PXN: variants seen among roughly 807,000 people sequenced by gnomAD.
PXN encodes testicular tissue protein Li 134.
A neutral mutation model predicts 103.6 loss-of-function variants in PXN; 61 were observed. The observed-to-expected ratio is 0.59, with a 90% CI of 0.48 to 0.73. The LOEUF is 0.73. PXN is among the 30% of genes least tolerant of loss of function. The pLI is 0.00. For synonymous variants in PXN, 562 were observed against 607.8 expected, an observed-to-expected ratio of 0.92 and a Z score of 1.11; for missense variants, 1,274 against 1,460.3, an observed-to-expected ratio of 0.87 and a Z score of 2.08.
chr12:120,248,579 C>T (rs1240672183), intron 1 of PXN: 1 of 153,380 alleles, frequency 6.5e-6, no homozygotes, highest in Non-Finnish European at 1.4e-5. Context: ...CCAGTGGCAC[C>T]GCGTGGCATC....
intron 1 of PXN, among the ~76,000 whole-genome samples, chr12:120,254,685 G>A (rs1258966513): frequency 6.6e-5 from 10 of 152,030 alleles, no homozygotes; most frequent in Non-Finnish European, 1.2e-4. Flanking sequence ...CAAATAGCTG[G>A]AATTACAGGC....
At chr12:120,230,378 C>G (rs1167312009) in intron 1 of PXN, among the ~76,000 whole-genome samples, 2 of 152,222 alleles carry the variant, frequency 1.3e-5, no homozygotes, top group African/African-American at 4.8e-5. Flanking sequence ...GTCCAGAACT[C>G]TGGACAAGGG....
chr12:120,216,528 C>G lies in PXN; in HGVS notation c.2046G>C (p.Leu682=). The change falls in exon 9 of 15, where the codon CTG becomes CTC. Residue 682 remains leucine, a synonymous_variant. Coordinates refer to ENST00000637617, the MANE Select transcript of PXN (RefSeq NM_001385981.1). The surrounding 1 kb of genome is among the most constrained non-coding windows in gnomAD (Gnocchi z 5.1). ...GGAGCAAAGGGACAGAAGGAGAAGC[C>G]AGGACAGAGATGGTTCTTCTCAGGG... ...PIPLRRTISV[L]ASPSVPLLQH... 1 of 1,403,844 alleles carries G rather than the reference C, an allele frequency of 7.1e-7. No individual in the cohort carries two copies. Among genetic ancestry groups the G allele is most frequent in the Non-Finnish European group, 9.2e-7 (1 of 1,087,394 alleles). The allele number at this position is 1,403,844 out of a possible 1,614,324, so 87.0% of individuals were successfully genotyped here. A position where few individuals can be genotyped will look rare whatever the true frequency, so the allele number is the denominator to read the frequency against.
rs1885549058 is a variant in PXN at position 120,222,704 on chromosome 12, G to C, written c.540C>G (p.Leu180=). 6.2e-7 allele frequency: 1 copy of C among 1,610,104 alleles called. No homozygotes were observed. The highest frequency in any genetic ancestry group is 1.1e-5 in the South Asian group (1 of 90,272). The change falls in exon 5 of 15, where the codon CTC becomes CTG. Residue 180 remains leucine (L), a synonymous_variant. Coordinates refer to ENST00000637617, the MANE Select transcript of PXN (RefSeq NM_001385981.1). The surrounding 1 kb of genome is among the most constrained non-coding windows in gnomAD (Gnocchi z 4.7). ...GGCTGTTAGTCTCTGGGACACCATAGAGGGGGCTCAGGGCCCCAGGAAGCG... is the reference window on the plus strand; with the variant it reads ...GGCTGTTAGTCTCTGGGACACCATACAGGGGGCTCAGGGCCCCAGGAAGCG... ...SPPLPGALSP[L]YGVPETNSPL...
intron 1 of PXN, among the ~76,000 whole-genome samples, chr12:120,227,806 T>C (rs1214367679): frequency 1.3e-5 from 2 of 152,222 alleles, no homozygotes; most frequent in African/African-American, 4.8e-5. Context: ...AGCTTTACTT[T>C]GATTTCCAAT....
At chr12:120,241,272 T>C (rs957643428) in intron 1 of PXN, among the ~76,000 whole-genome samples, 23 of 152,228 alleles carry the variant, frequency 1.5e-4, no homozygotes, top group Admixed American at 2.6e-4. Context: ...CTGCCTCATC[T>C]TCACCTCAAT....
intron 1 of PXN, among the ~76,000 whole-genome samples, chr12:120,259,055 GC>G (rs1893456685): frequency 6.7e-6 from 1 of 148,762 alleles, no homozygotes; most frequent in East Asian, 2.0e-4. Flanking sequence ...GGCAACAAGA[GC>G]AAAACTCTGC....
At chr12:120,241,728 G>A (rs566884729) in intron 1 of PXN, among the ~76,000 whole-genome samples, 31 of 152,312 alleles carry the variant, frequency 2.0e-4, no homozygotes, top group African/African-American at 7.5e-4. Context: ...AGCTCAGAGT[G>A]CAAGTCCCAG....
In PXN at chr12:120,213,834, C is replaced by A. The variant is rs765879861; in HGVS notation, c.2979+8G>T. ...TCGCCCCTCCAGATGTGGTCAGGGG[C>A]TCCTTACCCGGCACACAAAGCACTC... On this transcript the variant is annotated splice_region_variant and intron_variant, in intron 14 of 14. Transcript: ENST00000637617. This position sits in a 1 kb window ranked among gnomAD's most constrained non-coding sequence, Gnocchi z 4.2. 1 of 1,608,268 alleles carries A rather than the reference C, an allele frequency of 6.2e-7. No individual in the cohort carries two copies. Among genetic ancestry groups the A allele is most frequent in the Non-Finnish European group, 8.5e-7 (1 of 1,177,450 alleles).
chr12:120,240,516 C>T (rs1310532284), intron 1 of PXN, among the ~76,000 whole-genome samples: 1 of 152,148 alleles, frequency 6.6e-6, no homozygotes, highest in Non-Finnish European at 1.5e-5. Context: ...CAGGACCCAA[C>T]CAAAACAGCA....
rs1194481199 is a variant in PXN at position 120,229,720 on chromosome 12, G to A, written c.14-5343C>T. ...ATTACAAGCTTCTTCCCAGGGAGGT[G>A]TTAAGCCCTAGGAGGGGAAAGAAAT... On this transcript the variant is annotated intron_variant, in intron 1 of 14. Coordinates refer to ENST00000637617, the MANE Select transcript of PXN (RefSeq NM_001385981.1). This position sits in a 1 kb window ranked among gnomAD's most constrained non-coding sequence, Gnocchi z 4.0. Among the ~76,000 whole-genome samples, 2 of 152,176 alleles carry A rather than the reference G, an allele frequency of 1.3e-5. No individual in the cohort carries two copies. Among genetic ancestry groups the A allele is most frequent in the Non-Finnish European group, 2.9e-5 (2 of 68,026 alleles).
At chr12:120,252,997 T>TC in intron 1 of PXN, among the ~76,000 whole-genome samples, 1 of 87,166 alleles carries the variant, frequency 1.1e-5, no homozygotes, top group Non-Finnish European at 2.1e-5. Flanking sequence ...AGACTCTGTC[T>TC]CAAAAAAAAA....
Position 120,215,611 on chromosome 12 carries a change from GC to G in PXN, c.2351del (p.Gly784AlafsTer52). On this transcript the variant is annotated frameshift_variant, in exon 10 of 15. Transcript: ENST00000637617. LOFTEE classifies it high-confidence loss of function. The surrounding 1 kb of genome is among the most constrained non-coding windows in gnomAD (Gnocchi z 4.9). ...RADGERCWAAGWPRDGGRSSP... is the reference protein window; with the variant it reads ...RADGERCWAAXWPRDGGRSSP... ...TGCTCCGCCCGCCGTCCCGAGGCCA[GC>G]CGGCCGCCCAGCACCGCTCCCCATC... 1 of 1,611,144 alleles carries G rather than the reference GC, an allele frequency of 6.2e-7. No homozygotes were observed. The highest frequency in any genetic ancestry group is 8.5e-7 in the Non-Finnish European group (1 of 1,178,842).
rs1479181317 is a variant in PXN, at chr12:120,212,544, C to T, written c.3016G>A (p.Glu1006Lys). The change falls in exon 15 of 15, where the codon GAG becomes AAG. Residue 1006 changes from glutamate (E) to lysine (K), a missense_variant. Physicochemically the swap from Glu to Lys is moderately conservative, Grantham distance 56. Coordinates refer to ENST00000637617, the MANE Select transcript of PXN (RefSeq NM_001385981.1). This position sits in a 1 kb window ranked among gnomAD's most constrained non-coding sequence, Gnocchi z 7.2. ...TCACAGTAGGGCTGCCCGTCGTGCT[C>T]GAAGAAGCTGCCGTTCACGAATGGC... ...FTPFVNGSFFEHDGQPYCEVH... is the reference protein window; with the variant it reads ...FTPFVNGSFFKHDGQPYCEVH... 6.2e-6 allele frequency: 10 copies of T among 1,613,368 alleles called. No individual in the cohort carries two copies. In the Middle Eastern group the frequency reaches 9.9e-4, roughly 160 times the overall value.
At position 120,221,904 on chromosome 12, in the gene PXN, C is replaced by G; in HGVS notation, c.696-146G>C. The G allele has an allele frequency of 8.0e-7, 1 of 1,254,136 alleles. No individual in the cohort carries two copies. Among genetic ancestry groups the G allele is most frequent in the South Asian group, 1.6e-5 (1 of 61,656 alleles). 77.7% of individuals were successfully genotyped at this position (1,254,136 alleles called of 1,614,324 possible). A position where few individuals can be genotyped will look rare whatever the true frequency, so the allele number is the denominator to read the frequency against. On this transcript the variant is annotated intron_variant, in intron 5 of 14. Coordinates refer to ENST00000637617, the MANE Select transcript of PXN (RefSeq NM_001385981.1). The surrounding 1 kb of genome is among the most constrained non-coding windows in gnomAD (Gnocchi z 6.6). ...CCAGCTCCCTGTCTCTCCTGGGGACCCATCACTGGGTCAGAAGAAAGGGCA... is the reference window on the plus strand; with the variant it reads ...CCAGCTCCCTGTCTCTCCTGGGGACGCATCACTGGGTCAGAAGAAAGGGCA...
At chr12:120,223,390 C>T (rs897011544) in intron 3 of PXN, among the ~76,000 whole-genome samples, 3 of 151,104 alleles carry the variant, frequency 2.0e-5, no homozygotes, top group African/African-American at 7.3e-5. Flanking sequence ...GCCGAGATCG[C>T]GCGACTGCAC....
intron 1 of PXN, among the ~76,000 whole-genome samples, chr12:120,245,085 G>A (rs1890832187): frequency 6.6e-6 from 1 of 151,982 alleles, no homozygotes; most frequent in African/African-American, 2.4e-5. Context: ...TGGGGAAGGA[G>A]GAGGAGGGGC....
In PXN at chr12:120,219,478, G is replaced by T; in HGVS notation, c.1445C>A (p.Thr482Lys). 2 of 1,598,212 alleles carry T rather than the reference G, an allele frequency of 1.3e-6. No individual in the cohort carries two copies. Among genetic ancestry groups the T allele is most frequent in the Non-Finnish European group, 1.7e-6 (2 of 1,179,668 alleles). ...CTCCTGCTGTAGGCCATGTTCCTCCGTGAGAGTCCAGGTATCTGGGAAGAT... is the reference window on the plus strand; with the variant it reads ...CTCCTGCTGTAGGCCATGTTCCTCCTTGAGAGTCCAGGTATCTGGGAAGAT... ...QAIFPDTWTL[T>K]EEHGLQQERP... The change falls in exon 7 of 15, where the codon ACG becomes AAG. Residue 482 changes from threonine to lysine, a missense_variant. By Grantham distance (78) the Thr-to-Lys change is moderately conservative. Coordinates refer to ENST00000637617, the MANE Select transcript of PXN (RefSeq NM_001385981.1). The surrounding 1 kb of genome is among the most constrained non-coding windows in gnomAD (Gnocchi z 6.5).
chr12:120,229,211 G>T lies in PXN; in HGVS notation c.14-4834C>A, dbSNP rs1281403480. Among the ~76,000 whole-genome samples the T allele has an allele frequency of 6.6e-6, 1 of 152,130 alleles. No homozygotes were observed. Among genetic ancestry groups the T allele is most frequent in the Non-Finnish European group, 1.5e-5 (1 of 68,014 alleles). ...TGGGGACCCCGGTTGATCCACTGACGCATGGCACTCAATATCAGATTAAAG... is the reference window on the plus strand; with the variant it reads ...TGGGGACCCCGGTTGATCCACTGACTCATGGCACTCAATATCAGATTAAAG... On this transcript the variant is annotated intron_variant, in intron 1 of 14. Coordinates refer to ENST00000637617, the MANE Select transcript of PXN (RefSeq NM_001385981.1). The surrounding 1 kb of genome is among the most constrained non-coding windows in gnomAD (Gnocchi z 4.0).
Sources: allele counts gnomAD v4.1 joint callset (sites outside exome capture counted in the v4.1 genomes callset), GRCh38; gene constraint gnomAD v4.1.1; non-coding constraint Gnocchi (gnomAD v3.1); transcripts MANE v1.5; gene names NCBI Gene and HGNC (gene_info 2026-07-23, HGNC 2026-07-21).